The following QTMAN variants were observed in gnomAD, a reference collection of about 807,000 sequenced individuals.
QTMAN encodes the protein tRNA-queuosine alpha-mannosyltransferase.
chr2:144,317,084 C>CT, the QTMAN span, among the ~76,000 whole-genome samples: 1 of 152,164 alleles, frequency 6.6e-6, no homozygotes, highest in Non-Finnish European at 1.5e-5. Flanking sequence ...TATACTTACT[C>CT]TAGCACCCTT....
the QTMAN span, among the ~76,000 whole-genome samples, chr2:143,997,674 C>A: frequency 5.3e-5 from 8 of 152,010 alleles, no homozygotes; most frequent in Non-Finnish European, 7.4e-5. Flanking sequence ...ATAATGAAAT[C>A]CTTGCAAAGG....
At chr2:144,133,146 T>TATATATATA in the QTMAN span, among the ~76,000 whole-genome samples, 1 of 53,268 alleles carries the variant, frequency 1.9e-5, no homozygotes. Context: ...TATATATATA[T>TATATATATA]ATATAATATA....
At chr2:144,278,541 CTTT>C in the QTMAN span, among the ~76,000 whole-genome samples, 17 of 137,712 alleles carry the variant, frequency 1.2e-4, no homozygotes, top group Non-Finnish European at 1.3e-4. Context: ...TGTTTTCCTT[CTTT>C]TTTTTTTTTT....
the QTMAN span, among the ~76,000 whole-genome samples, chr2:144,057,744 C>T: frequency 6.6e-6 from 1 of 152,146 alleles, no homozygotes; most frequent in Non-Finnish European, 1.5e-5. Flanking sequence ...TTTGAAAAAC[C>T]TCCAAATTTC....
chr2:143,995,517 A>T, the QTMAN span, among the ~76,000 whole-genome samples: 29 of 152,166 alleles, frequency 1.9e-4, no homozygotes, highest in African/African-American at 6.8e-4. Context: ...TCCTCAGAAC[A>T]ATTCTGTAAT....
At chr2:144,195,175 T>C in the QTMAN span, among the ~76,000 whole-genome samples, 6 of 152,164 alleles carry the variant, frequency 3.9e-5, no homozygotes, top group South Asian at 1.2e-3. Context: ...AAACTCACAA[T>C]ATCTAGTAGA....
At chr2:144,331,551 G>T in the QTMAN span, among the ~76,000 whole-genome samples, 1 of 151,890 alleles carries the variant, frequency 6.6e-6, no homozygotes, top group Admixed American at 6.6e-5. Flanking sequence ...CCTTCTCTTT[G>T]AAACTCCCAT....
chr2:144,004,258 G>C, the QTMAN span, among the ~76,000 whole-genome samples: 1 of 151,984 alleles, frequency 6.6e-6, no homozygotes, highest in African/African-American at 2.4e-5. Flanking sequence ...TAAGGGGGTT[G>C]AACAAGAAAC....
the QTMAN span, among the ~76,000 whole-genome samples, chr2:144,107,761 A>C: frequency 1.3e-5 from 2 of 152,248 alleles, no homozygotes; most frequent in Non-Finnish European, 2.9e-5. Flanking sequence ...TTATGAGGCC[A>C]GCATCATCCT....
the QTMAN span, among the ~76,000 whole-genome samples, chr2:143,999,087 T>C: frequency 2.0e-5 from 3 of 151,900 alleles, no homozygotes; most frequent in African/African-American, 7.3e-5. Context: ...ATGGAAAAAA[T>C]TCCCCCTAAA....
At chr2:144,245,171 T>C in the QTMAN span, among the ~76,000 whole-genome samples, 2 of 152,216 alleles carry the variant, frequency 1.3e-5, no homozygotes, top group South Asian at 4.1e-4. Flanking sequence ...TCTCCTATCA[T>C]TAGTGGAGCA....
the QTMAN span, among the ~76,000 whole-genome samples, chr2:144,230,689 A>C: frequency 6.6e-6 from 1 of 152,212 alleles, no homozygotes; most frequent in Non-Finnish European, 1.5e-5. Context: ...ACATGGACAC[A>C]GCTGGAACCA....
chr2:144,147,486 A>G, the QTMAN span, among the ~76,000 whole-genome samples: 4 of 151,874 alleles, frequency 2.6e-5, no homozygotes, highest in African/African-American at 7.2e-5. Flanking sequence ...AAACAACAAA[A>G]TATTAATTTC....
At chr2:144,043,494 C>T in the QTMAN span, among the ~76,000 whole-genome samples, 21 of 151,952 alleles carry the variant, frequency 1.4e-4, no homozygotes, top group African/African-American at 2.4e-4. Flanking sequence ...ATTAGCCCAG[C>T]GTGGTGACGG....
chr2:144,163,884 G>A, the QTMAN span, among the ~76,000 whole-genome samples: 1 of 152,142 alleles, frequency 6.6e-6, no homozygotes, highest in Admixed American at 6.6e-5. Flanking sequence ...AAGACTGCCT[G>A]CTTTGCTAAC....
At chr2:144,193,441 T>C in the QTMAN span, among the ~76,000 whole-genome samples, 1 of 148,422 alleles carries the variant, frequency 6.7e-6, no homozygotes, top group African/African-American at 2.4e-5. Flanking sequence ...ATATATATTA[T>C]GTATATATAA....
the QTMAN span, among the ~76,000 whole-genome samples, chr2:144,095,269 GAATTTTA>G: frequency 1.3e-5 from 2 of 152,058 alleles, no homozygotes; most frequent in African/African-American, 4.8e-5. Context: ...TCTTAAAACA[GAATTTTA>G]TTTAGTATTG....
At chr2:144,197,653 C>A in the QTMAN span, among the ~76,000 whole-genome samples, 2 of 152,094 alleles carry the variant, frequency 1.3e-5, no homozygotes, top group African/African-American at 4.8e-5. Flanking sequence ...CCGTTCCAGA[C>A]AAATTTCTTA....
chr2:144,042,151 A>C, the QTMAN span, among the ~76,000 whole-genome samples: 1 of 152,176 alleles, frequency 6.6e-6, no homozygotes, highest in East Asian at 1.9e-4. Flanking sequence ...TGCCAGTATG[A>C]TTGATATTTA....
Sources: gnomAD v4.1 joint callset for allele counts (sites outside exome capture counted in the v4.1 genomes callset) on GRCh38, gnomAD v4.1.1 for gene constraint, MANE v1.5 for transcripts, NCBI Gene and HGNC (gene_info 2026-07-23, HGNC 2026-07-21) for gene names.